Variants in DGKB observed in about 807,000 individuals in gnomAD.
The protein encoded by DGKB is diacylglycerol kinase beta.
A neutral mutation model predicts 114.3 loss-of-function variants in DGKB; 67 were observed. The ratio of observed to expected loss-of-function variants is 0.59; its 90% CI spans 0.48 to 0.72. DGKB has a LOEUF of 0.72. DGKB is among the 30% of genes least tolerant of loss of function. The probability of loss-of-function intolerance (pLI) is 0.00; values close to 1 mark genes in which losing one functional copy is unlikely to be tolerated. For missense variants in DGKB, 907 were observed against 975.2 expected, an observed-to-expected ratio of 0.93 and a Z score of 0.93; for synonymous variants, 398 against 323.1, an observed-to-expected ratio of 1.23 and a Z score of -2.49.
chr7:14,561,212 G>C (rs1183513025), intron 20 of DGKB, among the ~76,000 whole-genome samples: 2 of 152,098 alleles, frequency 1.3e-5, no homozygotes, highest in African/African-American at 2.4e-5. Flanking sequence ...ATAATGGAGA[G>C]TTCCCCTGCA....
At chr7:14,967,728 T>C (rs1278299449) in intron 1 of DGKB, among the ~76,000 whole-genome samples, 2 of 151,130 alleles carry the variant, frequency 1.3e-5, no homozygotes, top group East Asian at 1.9e-4. Flanking sequence ...ATTTTATACA[T>C]ATTTTTCTGC....
At chr7:14,572,365 T>TG (rs1215339188) in intron 20 of DGKB, among the ~76,000 whole-genome samples, 1 of 150,438 alleles carries the variant, frequency 6.6e-6, no homozygotes, top group African/African-American at 2.5e-5. Context: ...GGCAGGAGAA[T>TG]GTCGTGAACC....
chr7:14,496,566 C>T (rs1785338536), intron 20 of DGKB, among the ~76,000 whole-genome samples: 1 of 151,756 alleles, frequency 6.6e-6, no homozygotes, highest in African/African-American at 2.4e-5. Flanking sequence ...ATGCCAAACA[C>T]TGTGCTAGGT....
chr7:14,313,066 A>C (rs1021908064), intron 23 of DGKB, among the ~76,000 whole-genome samples: 5 of 152,224 alleles, frequency 3.3e-5, no homozygotes, highest in Admixed American at 6.5e-5. Context: ...GAGTACAAAA[A>C]ATTGATTGAT....
At chr7:14,214,805 A>G (rs1271418498) in intron 23 of DGKB, among the ~76,000 whole-genome samples, 1 of 152,166 alleles carries the variant, frequency 6.6e-6, no homozygotes. Context: ...CTTCTTTGTC[A>G]TCACCTAAGC....
intron 13 of DGKB, among the ~76,000 whole-genome samples, chr7:14,644,021 T>C: frequency 6.6e-6 from 1 of 151,884 alleles, no homozygotes; most frequent in Admixed American, 6.6e-5. Context: ...CTGGCCTACC[T>C]GGGCTCTCCC....
At chr7:14,626,260 GT>G (rs1222193509) in intron 14 of DGKB, among the ~76,000 whole-genome samples, 1 of 152,174 alleles carries the variant, frequency 6.6e-6, no homozygotes, top group Non-Finnish European at 1.5e-5. Flanking sequence ...CAAGAACAGG[GT>G]TTTCTTCTTT....
At chr7:14,338,783 C>A in intron 22 of DGKB, 73 bp from the exon 23 acceptor site, 2 of 1,029,736 alleles carry the variant, frequency 1.9e-6, no homozygotes, top group Non-Finnish European at 2.6e-6. Flanking sequence ...TTTTTCATTT[C>A]CTCATCTTTT....
intron 1 of DGKB, among the ~76,000 whole-genome samples, chr7:14,952,789 T>C (rs1786278274): frequency 1.3e-5 from 2 of 151,700 alleles, no homozygotes; most frequent in African/African-American, 4.8e-5. Flanking sequence ...AAAATAAAGT[T>C]TGAGGACCTA....
intron 12 of DGKB, among the ~76,000 whole-genome samples, chr7:14,677,094 A>G (rs1205273071): frequency 1.3e-5 from 2 of 151,978 alleles, no homozygotes; most frequent in Non-Finnish European, 2.9e-5. Flanking sequence ...CACCTAATTT[A>G]GAGCCAGATC....
At chr7:14,402,304 C>T (rs1487538232) in intron 21 of DGKB, among the ~76,000 whole-genome samples, 4 of 151,810 alleles carry the variant, frequency 2.6e-5, no homozygotes, top group African/African-American at 7.3e-5. Flanking sequence ...TTCAAATTCA[C>T]AGAATAATTC....
At chr7:14,183,093 G>A (rs553281397) in intron 23 of DGKB, among the ~76,000 whole-genome samples, 9 of 152,246 alleles carry the variant, frequency 5.9e-5, no homozygotes, top group African/African-American at 2.2e-4. Context: ...AGTAAGACCA[G>A]GCTAGCTATG....
At chr7:14,530,171 A>G (rs1791331336) in intron 20 of DGKB, among the ~76,000 whole-genome samples, 1 of 151,686 alleles carries the variant, frequency 6.6e-6, no homozygotes, top group African/African-American at 2.4e-5. Flanking sequence ...TTAAAGTAAT[A>G]ACTTAAAATT....
intron 18 of DGKB, among the ~76,000 whole-genome samples, chr7:14,581,645 A>T (rs1799947981): frequency 2.6e-5 from 4 of 152,200 alleles, no homozygotes; most frequent in Admixed American, 2.6e-4. Flanking sequence ...AATCTCACAA[A>T]TGTATATCAC....
At chr7:14,585,775 A>G (rs1386397994) in intron 17 of DGKB, among the ~76,000 whole-genome samples, 3 of 152,104 alleles carry the variant, frequency 2.0e-5, no homozygotes, top group African/African-American at 7.2e-5. Context: ...CATTTTTGTA[A>G]TTATCGCAAT....
At chr7:14,491,408 A>C (rs1203867073) in intron 20 of DGKB, among the ~76,000 whole-genome samples, 1 of 152,026 alleles carries the variant, frequency 6.6e-6, no homozygotes, top group Non-Finnish European at 1.5e-5. Flanking sequence ...GAATCCATTA[A>C]ATCTCTTTTT....
At chr7:14,754,773 A>G (rs987557947) in intron 3 of DGKB, among the ~76,000 whole-genome samples, 4 of 152,182 alleles carry the variant, frequency 2.6e-5, no homozygotes, top group African/African-American at 9.7e-5. Context: ...GGAGGCTAAT[A>G]AGACTCTCTC....
intron 1 of DGKB, among the ~76,000 whole-genome samples, chr7:14,890,903 C>T (rs922118723): frequency 4.6e-5 from 7 of 150,546 alleles, no homozygotes; most frequent in Non-Finnish European, 1.0e-4. Context: ...ATCTAACTTA[C>T]GCTTCTGAAA....
chr7:14,290,840 C>T (rs751614685), intron 23 of DGKB, among the ~76,000 whole-genome samples: 3 of 151,996 alleles, frequency 2.0e-5, no homozygotes, highest in East Asian at 1.9e-4. Flanking sequence ...CCTGCTATTA[C>T]GGACTTAAGT....
Sources: allele counts gnomAD v4.1 joint callset (sites outside exome capture counted in the v4.1 genomes callset), GRCh38; gene constraint gnomAD v4.1.1; transcripts MANE v1.5; gene names NCBI Gene and HGNC (gene_info 2026-07-23, HGNC 2026-07-21).